The following CRHR2 variants were observed in gnomAD, a reference collection of about 807,000 sequenced individuals.
CRHR2 encodes corticotropin-releasing hormone receptor 2.
In CRHR2, 53 loss-of-function variants were observed where a neutral mutation model predicts 57.9. The ratio of observed to expected loss-of-function variants is 0.92; its 90% CI spans 0.73 to 1.15. The LOEUF (loss-of-function observed/expected upper bound fraction) is 1.15, where lower values mean the gene tolerates loss of function less well. CRHR2 is among the 50% of genes most tolerant of loss of function. CRHR2 has a pLI of 0.00. For synonymous variants in CRHR2, 213 were observed against 220.9 expected (o/e 0.96, Z 0.32); for missense variants, 532 against 542.6 (o/e 0.98, Z 0.19).
intron 2 of CRHR2, among the ~76,000 whole-genome samples, chr7:30,675,925 C>A (rs937376818): frequency 6.6e-6 from 1 of 152,224 alleles, no homozygotes; most frequent in Admixed American, 6.5e-5. Flanking sequence ...ATACTCAGAA[C>A]CCCAATAAGG....
chr7:30,657,927 C>A lies in CRHR2; in HGVS notation c.832-1915G>T, dbSNP rs569015895. The stretch of plus-strand genomic sequence containing the variant: ...ACCCATCCATCTACCTACCCAATAA[C>A]CAATCCATTCAGTTATCCACCTACT... On this transcript the variant is annotated intron_variant, in intron 8 of 11. Transcript: ENST00000471646. Among the ~76,000 whole-genome samples the A allele has an allele frequency of 3.9e-5, 6 of 152,294 alleles. No homozygotes were observed. The East Asian group carries it at 7.7e-4, about 20-fold the overall frequency.
At chr7:30,674,966 GTCAGCATGTTCTCTGTCCCCT>G (rs1309382438) in intron 2 of CRHR2, among the ~76,000 whole-genome samples, 1 of 152,154 alleles carries the variant, frequency 6.6e-6, no homozygotes, top group African/African-American at 2.4e-5. Flanking sequence ...GCCCCACGAG[GTCAGCATGTTCTCTGTCCCCT>G]TCACACAGAT....
At chr7:30,689,079 C>T in intron 2 of CRHR2, 1 of 948,872 alleles carries the variant, frequency 1.1e-6, no homozygotes, top group Non-Finnish European at 1.6e-6. Context: ...GAAACCAGCA[C>T]CCCACCCACC....
intron 2 of CRHR2, chr7:30,689,096 CTG>C: frequency 8.7e-7 from 1 of 1,149,248 alleles, no homozygotes; most frequent in Non-Finnish European, 1.3e-6. Flanking sequence ...CACCACCCTG[CTG>C]AGCCTGGGCT....
chr7:30,665,156 A>G lies in CRHR2; in HGVS notation c.457T>C (p.Trp153Arg). ...AGGATAAAGGTGGTGATGAGGTTCC[A>G]GTGAATCACATTCCGCAGACAGCGA... Reference protein sequence around the residue: ...SIRCLRNVIHWNLITTFILRN... With the variant: ...SIRCLRNVIHRNLITTFILRN... Residue 153 changes from tryptophan to arginine, a missense_variant, in exon 5 of 12, where the codon TGG (tryptophan) becomes CGG (arginine). Trp to Arg is a moderately radical substitution (Grantham distance 101). Transcript: ENST00000471646. This position sits in a 1 kb window ranked among gnomAD's most constrained non-coding sequence, Gnocchi z 4.5. 6.2e-7 allele frequency: 1 copy of G among 1,614,138 alleles called. No homozygotes were observed. The highest frequency in any genetic ancestry group is 1.1e-5 in the South Asian group (1 of 91,082).
intron 2 of CRHR2, among the ~76,000 whole-genome samples, chr7:30,672,563 T>C (rs1166602381): frequency 6.6e-6 from 1 of 152,214 alleles, no homozygotes; most frequent in African/African-American, 2.4e-5. Flanking sequence ...ATGCCCATGC[T>C]TCACCAAGAT....
At chr7:30,679,627 T>C (rs1011050791) in intron 2 of CRHR2, among the ~76,000 whole-genome samples, 1 of 152,114 alleles carries the variant, frequency 6.6e-6, no homozygotes, top group Non-Finnish European at 1.5e-5. Flanking sequence ...ATTCCTGCTC[T>C]CTAAGGAATG....
chr7:30,699,442 G>A (rs762834996), intron 1 of CRHR2, among the ~76,000 whole-genome samples: 1 of 152,036 alleles, frequency 6.6e-6, no homozygotes. Flanking sequence ...AGGCAGCAGG[G>A]GCAGGAGGTG....
At chr7:30,670,624 G>C (rs985361169) in intron 2 of CRHR2, among the ~76,000 whole-genome samples, 2 of 152,264 alleles carry the variant, frequency 1.3e-5, no homozygotes, top group Non-Finnish European at 2.9e-5. Context: ...CAGGGGAGCT[G>C]TCTGCTGTGG....
chr7:30,676,923 C>T (rs960361353), intron 2 of CRHR2, among the ~76,000 whole-genome samples: 1 of 152,226 alleles, frequency 6.6e-6, no homozygotes, highest in East Asian at 1.9e-4. Context: ...GCAGATGCCT[C>T]AGTACAGATG....
intron 7 of CRHR2, 49 bp from the exon 8 acceptor site, chr7:30,660,694 G>A: frequency 6.5e-7 from 1 of 1,530,716 alleles, no homozygotes. Context: ...GGAACTGGGG[G>A]ACCCCCACAG....
At chr7:30,659,280 G>T (rs1476931531) in intron 8 of CRHR2, among the ~76,000 whole-genome samples, 2 of 152,194 alleles carry the variant, frequency 1.3e-5, no homozygotes, top group Non-Finnish European at 2.9e-5. Context: ...TTGACACTGA[G>T]CTCTTGCGTT....
chr7:30,660,599 G>A lies in CRHR2; in HGVS notation c.805C>T (p.Gln269Ter). The stretch of plus-strand genomic sequence containing the variant: ...AGGAGCACGAGAATGATGGGGCCTT[G>A]GTAGATGTAGTCCACCAGGTCGCCA... ...EPGDLVDYIYQGPIILVLLIN... is the reference protein window; with the variant it reads ...EPGDLVDYIY Residue 269 changes from glutamine to a stop codon, truncating the protein, a stop_gained, in exon 8 of 12, where the codon CAA (glutamine) becomes TAA (stop). Transcript: ENST00000471646. LOFTEE classifies it high-confidence loss of function. 1 of 1,570,942 alleles carries A rather than the reference G, an allele frequency of 6.4e-7. No individual in the cohort carries two copies. Among genetic ancestry groups the A allele is most frequent in the South Asian group, 1.2e-5 (1 of 85,310 alleles).
At chr7:30,691,583 G>T (rs1784961694) in intron 1 of CRHR2, among the ~76,000 whole-genome samples, 1 of 152,232 alleles carries the variant, frequency 6.6e-6, no homozygotes, top group Admixed American at 6.5e-5. Context: ...CAAGCACTTT[G>T]TGGGGAGTGG....
intron 1 of CRHR2, among the ~76,000 whole-genome samples, chr7:30,690,062 C>T (rs1404328512): frequency 4.6e-5 from 7 of 152,200 alleles, no homozygotes; most frequent in Non-Finnish European, 1.0e-4. Context: ...AAAAAATCAT[C>T]AGAGTGGGTG....
At chr7:30,667,167 C>T (rs920795781) in intron 3 of CRHR2, 61 bp downstream of exon 3, 1 of 1,506,600 alleles carries the variant, frequency 6.6e-7, no homozygotes, top group East Asian at 2.3e-5. Context: ...ATCTTCTCTG[C>T]TCAACCTGAG....
chr7:30,681,841 A>T, intron 2 of CRHR2, 74 bp downstream of exon 2: 1 of 1,517,752 alleles, frequency 6.6e-7, no homozygotes, highest in Non-Finnish European at 8.8e-7. Flanking sequence ...CTGGGTCCGG[A>T]ATCCTCTTTA....
intron 1 of CRHR2, among the ~76,000 whole-genome samples, chr7:30,694,466 C>G (rs999996086): frequency 6.6e-6 from 1 of 152,238 alleles, no homozygotes; most frequent in Non-Finnish European, 1.5e-5. Context: ...TCCCTGGAAC[C>G]TGGGGGTCTG....
rs532710589 is a variant in CRHR2, at chr7:30,681,249, T to C, written c.229+666A>G. On this transcript the variant is annotated intron_variant, in intron 2 of 11. Coordinates refer to ENST00000471646, the MANE Select transcript of CRHR2 (RefSeq NM_001883.5). Reference sequence around the variant, plus strand: ...AGGTTGTTCTCCTTGAGAGATGGTGTTGGGGTGCTGATTCAGACACCACTC... The same window carrying C: ...AGGTTGTTCTCCTTGAGAGATGGTGCTGGGGTGCTGATTCAGACACCACTC... Among the ~76,000 whole-genome samples, 4 of 152,258 alleles carry C rather than the reference T, an allele frequency of 2.6e-5. No individual in the cohort carries two copies. In the East Asian group the frequency reaches 7.7e-4, roughly 29 times the overall value.
Sources: gnomAD v4.1 joint callset for allele counts (sites outside exome capture counted in the v4.1 genomes callset) on GRCh38, gnomAD v4.1.1 for gene constraint, Gnocchi (gnomAD v3.1) non-coding constraint, MANE v1.5 for transcripts, NCBI Gene and HGNC (gene_info 2026-07-23, HGNC 2026-07-21) for gene names.